Variants in CRACD observed in about 807,000 individuals in gnomAD.
CRACD encodes capping protein inhibiting regulator of actin dynamics.
Under a neutral mutation model 106.8 loss-of-function variants are expected in CRACD, and 56 were observed. The ratio of observed to expected loss-of-function variants is 0.52; its 90% CI spans 0.42 to 0.66. CRACD has a LOEUF of 0.66. Ranked by LOEUF, CRACD falls within the 30% of genes least tolerant of loss-of-function variation. The pLI is 0.00. For missense variants in CRACD, 1,730 were observed against 1,623.2 expected (o/e 1.07, Z -1.13); for synonymous variants, 754 against 670.8 (o/e 1.12, Z -1.92).
At chr4:56,100,957 T>G (rs1251295168) in intron 1 of CRACD, among the ~76,000 whole-genome samples, 3 of 152,136 alleles carry the variant, frequency 2.0e-5, no homozygotes, top group Non-Finnish European at 4.4e-5. Context: ...AAACCTCAAC[T>G]TGGATTAAAT....
chr4:56,318,542 T>A (rs776383162), intron 8 of CRACD, among the ~76,000 whole-genome samples: 1 of 152,236 alleles, frequency 6.6e-6, no homozygotes, highest in Non-Finnish European at 1.5e-5. Context: ...CTTCCTTCTC[T>A]TAGGGCTGTC....
rs372203605 is a variant in CRACD at position 56,313,310 on chromosome 4, C to A, written c.468C>A (p.Ala156=). 17 of 1,614,192 alleles carry A rather than the reference C, an allele frequency of 1.1e-5. No individual in the cohort carries two copies. In the African/African-American group the frequency reaches 1.9e-4, roughly 18 times the overall value. The part of the protein sequence containing the change: ...PLAIARLDNS[A]AKHKLAVKPK... ...CCATCGCTCGCCTGGACAACAGTGC[C>A]GCCAAGCACAAGCTGGCTGTTAAGC... Residue 156 remains alanine, a synonymous_variant, in exon 7 of 11, where the codon GCC becomes GCA. Transcript: ENST00000682029.
Position 56,279,347 on chromosome 4 carries a change from G to A in CRACD, c.-17+6855G>A, listed in dbSNP as rs376606107. ...CTGCACAGCAAAAGAAACTACCATC[G>A]GAGTGAACAGGCAACCTACAACATG... is the stretch of plus-strand genomic sequence containing the variant. On this transcript the variant is annotated intron_variant, in intron 3 of 10. Transcript: ENST00000682029. Among the ~76,000 whole-genome samples, 245 of 152,146 alleles carry A rather than the reference G, an allele frequency of 1.6e-3. 1 individual carries two copies. The highest frequency in any genetic ancestry group is 5.4e-3 in the African/African-American group (223 of 41,514).
chr4:56,296,247 A>T (rs145868001), intron 3 of CRACD, among the ~76,000 whole-genome samples: 84 of 152,224 alleles, frequency 5.5e-4, no homozygotes, highest in Middle Eastern at 3.4e-3. Context: ...TCTTTATATA[A>T]GTTATTTACT....
chr4:56,244,010 A>G (rs1223003084), intron 2 of CRACD, among the ~76,000 whole-genome samples: 4 of 152,126 alleles, frequency 2.6e-5, no homozygotes, highest in Non-Finnish European at 4.4e-5. Flanking sequence ...AATTGATCCA[A>G]AAGTCTTCCA....
At chr4:56,075,677 A>G (rs1277789636) in intron 1 of CRACD, among the ~76,000 whole-genome samples, 1 of 152,148 alleles carries the variant, frequency 6.6e-6, no homozygotes. Flanking sequence ...TCCTGTCTCT[A>G]TGGAATTTGC....
At chr4:56,151,186 G>A (rs757336628) in intron 1 of CRACD, among the ~76,000 whole-genome samples, 2 of 152,040 alleles carry the variant, frequency 1.3e-5, no homozygotes, top group Admixed American at 6.6e-5. Flanking sequence ...TTGTAGAGAC[G>A]GGGTTTTGCC....
intron 1 of CRACD, among the ~76,000 whole-genome samples, chr4:56,078,766 T>C (rs1197816966): frequency 6.6e-6 from 1 of 152,136 alleles, no homozygotes; most frequent in Non-Finnish European, 1.5e-5. Flanking sequence ...GAGTCTCCAT[T>C]GACCAGTTCT....
At chr4:56,265,828 G>A (rs1476196667) in intron 2 of CRACD, among the ~76,000 whole-genome samples, 1 of 152,016 alleles carries the variant, frequency 6.6e-6, no homozygotes, top group Non-Finnish European at 1.5e-5. Flanking sequence ...TTCTTCACTC[G>A]GAAGCATATC....
chr4:56,322,025 T>C (rs535228384), intron 8 of CRACD, among the ~76,000 whole-genome samples: 1 of 152,224 alleles, frequency 6.6e-6, no homozygotes, highest in African/African-American at 2.4e-5. Context: ...GGTTCTGGAC[T>C]ACCAAAGTGT....
At chr4:56,092,688 A>C (rs1733461553) in intron 1 of CRACD, among the ~76,000 whole-genome samples, 1 of 151,928 alleles carries the variant, frequency 6.6e-6, no homozygotes, top group South Asian at 2.1e-4. Flanking sequence ...TGTAGCCTTA[A>C]ACTCTTGGGC....
chr4:56,327,589 A>C, intron 10 of CRACD, 55 bp from the exon 11 acceptor site: 3 of 1,513,338 alleles, frequency 2.0e-6, no homozygotes, highest in Non-Finnish European at 1.8e-6. Context: ...TAAAAAGAAA[A>C]TTTGTAGTGT....
chr4:56,214,681 C>CTCTCTCTCTCTCTCTCTATA, intron 2 of CRACD, among the ~76,000 whole-genome samples: 4 of 81,000 alleles, frequency 4.9e-5, no homozygotes, highest in East Asian at 3.7e-4. Context: ...CTCTCTCTCT[C>CTCTCTCTCTCTCTCTCTATA]TATATATATA....
At chr4:56,129,749 G>A (rs1165065154) in intron 1 of CRACD, among the ~76,000 whole-genome samples, 1 of 152,172 alleles carries the variant, frequency 6.6e-6, no homozygotes, top group Non-Finnish European at 1.5e-5. Flanking sequence ...AAAGCTTACA[G>A]TAGAGAGTGG....
chr4:56,267,818 A>G (rs779706303), intron 2 of CRACD, among the ~76,000 whole-genome samples: 6 of 152,292 alleles, frequency 3.9e-5, no homozygotes, highest in Middle Eastern at 3.4e-3. Context: ...TGCCCATATT[A>G]AGTGTGGCAA....
chr4:56,210,756 C>A lies in CRACD; in HGVS notation c.-189+31326C>A, dbSNP rs554152103. On this transcript the variant is annotated intron_variant, in intron 2 of 10. Transcript: ENST00000682029. Reference sequence around the variant, plus strand: ...CTTTTACAAAACGATTTGAAGATTGCCAGTTAGATGAGTTAAAGGTGTATT... The same window carrying A: ...CTTTTACAAAACGATTTGAAGATTGACAGTTAGATGAGTTAAAGGTGTATT... 1.7e-3 allele frequency among the ~76,000 whole-genome samples: 260 copies of A among 152,242 alleles called. 1 individual carries two copies. The highest frequency in any genetic ancestry group is 3.4e-3 in the Middle Eastern group (1 of 294).
At chr4:56,116,081 TG>T (rs1361267470) in intron 1 of CRACD, among the ~76,000 whole-genome samples, 2 of 152,244 alleles carry the variant, frequency 1.3e-5, no homozygotes, top group East Asian at 1.9e-4. Context: ...TCATCTTCTC[TG>T]CGTAGTGCAG....
chr4:56,187,064 A>G (rs1737121110), intron 2 of CRACD, among the ~76,000 whole-genome samples: 1 of 151,618 alleles, frequency 6.6e-6, no homozygotes, highest in Non-Finnish European at 1.5e-5. Flanking sequence ...GCAAGACCCT[A>G]TCCAAGAAAA....
At chr4:56,186,099 C>T (rs1242936583) in intron 2 of CRACD, among the ~76,000 whole-genome samples, 3 of 152,164 alleles carry the variant, frequency 2.0e-5, no homozygotes, top group Admixed American at 6.5e-5. Context: ...ATCTGCCAGA[C>T]GTAACCCAAG....
Sources: allele counts gnomAD v4.1 joint callset (sites outside exome capture counted in the v4.1 genomes callset), GRCh38; gene constraint gnomAD v4.1.1; transcripts MANE v1.5; gene names NCBI Gene and HGNC (gene_info 2026-07-23, HGNC 2026-07-21).